KCNC3: variants seen among roughly 807,000 people sequenced by gnomAD.
KCNC3 encodes potassium voltage-gated channel subfamily C member 3, also known as voltage-gated potassium channel KCNC3.
Under a neutral mutation model 43.9 loss-of-function variants are expected in KCNC3, and 22 were observed. The observed-to-expected ratio is 0.50, with a 90% CI of 0.36 to 0.72. The LOEUF (loss-of-function observed/expected upper bound fraction) is 0.72. KCNC3 is among the 30% of genes least tolerant of loss of function. The probability of loss-of-function intolerance (pLI) is 0.00; values close to 1 mark genes in which losing one functional copy is unlikely to be tolerated. For synonymous variants in KCNC3, 492 were observed against 488.0 expected (o/e 1.01, Z -0.11); for missense variants, 829 against 1,073.8 (o/e 0.77, Z 3.19).
Position 50,323,377 on chromosome 19 carries a change from C to T in KCNC3, c.1576G>A (p.Ala526Thr). Residue 526 changes from alanine (A) to threonine (T), a missense_variant, in exon 2 of 5, where the codon GCG becomes ACG. This residue lies in a region of KCNC3 where 33 missense variants were observed against 96.0 expected (regional missense o/e 0.34). Transcript: ENST00000477616. ...GMLVGALCALAGVLTIAMPVP... is the reference protein window; with the variant it reads ...GMLVGALCALTGVLTIAMPVP... Reference sequence around the variant, plus strand: ...GGCATGGCGATGGTCAGCACCCCCGCCAGGGCACACAGCGCCCCGACCAGC... The same window carrying T: ...GGCATGGCGATGGTCAGCACCCCCGTCAGGGCACACAGCGCCCCGACCAGC... The T allele has an allele frequency of 6.2e-7, 1 of 1,614,166 alleles. No homozygotes were observed. The highest frequency in any genetic ancestry group is 8.5e-7 in the Non-Finnish European group (1 of 1,180,032).
Position 50,320,305 on chromosome 19 carries a change from C to G in KCNC3, c.2215G>C (p.Gly739Arg). 1 of 909,640 alleles carries G rather than the reference C, an allele frequency of 1.1e-6. No homozygotes were observed. Among genetic ancestry groups the G allele is most frequent in the Non-Finnish European group, 1.5e-6 (1 of 663,368 alleles). The allele number at this position is 909,640 out of a possible 1,614,324, so 56.3% of individuals were successfully genotyped here. The stretch of plus-strand genomic sequence containing the variant: ...AGGTCGGGCAAGAAGCTTGGGGGGC[C>G]TGGCTTACGCCAGTCTTGGGGGGGC... ...PLPPQDWRKP[G>R]PPSFLPDLNA... Residue 739 changes from glycine (G) to arginine (R), a missense_variant, in exon 4 of 5, where the codon GGC becomes CGC. Gly to Arg is a moderately radical substitution (Grantham distance 125). Around this residue, in one of 7 missense-constraint regions of KCNC3, gnomAD observed 308 missense variants for 276.2 expected, o/e 1.11. Coordinates refer to ENST00000477616, the MANE Select transcript of KCNC3 (RefSeq NM_004977.3).
In KCNC3 at chr19:50,324,181, C is replaced by T. The variant is rs2037074260; in HGVS notation, c.871-99G>A. ...CTTCCAGTGCCCCCTTCCCCAGCCT[C>T]CTGGGCCCAAACTCTGGGCAAAATC... On this transcript the variant is annotated intron_variant, in intron 1 of 4. Coordinates refer to ENST00000477616, the MANE Select transcript of KCNC3 (RefSeq NM_004977.3). The surrounding 1 kb of genome is among the most constrained non-coding windows in gnomAD (Gnocchi z 4.1). 34 of 1,270,032 alleles carry T rather than the reference C, an allele frequency of 2.7e-5. No homozygotes were observed. The South Asian group carries it at 4.8e-4, about 18-fold the overall frequency. 78.7% of individuals were successfully genotyped at this position (1,270,032 alleles called of 1,614,324 possible).
At position 50,323,234 on chromosome 19, in the gene KCNC3, G is replaced by C. The variant is rs572684513; in HGVS notation, c.1719C>G (p.Asn573Lys). The change falls in exon 2 of 5, where the codon AAC (asparagine) becomes AAG (lysine). Residue 573 changes from asparagine (N) to lysine (K), a missense_variant. Physicochemically the swap from Asn to Lys is moderately conservative, Grantham distance 94 (BLOSUM62 0). Around this residue, in one of 7 missense-constraint regions of KCNC3, gnomAD observed 308 missense variants for 276.2 expected, o/e 1.11. Coordinates refer to ENST00000477616, the MANE Select transcript of KCNC3 (RefSeq NM_004977.3). The stretch of plus-strand genomic sequence containing the variant: ...GCGGGGGTGGGTCAGGCTTGCAGTA[G>C]TTGGGCGAGCCCGGTTGCGGGGGCC... ...IPRPPQPGSP[N>K]YCKPDPPPPP... The C allele has an allele frequency of 1.3e-4, 201 of 1,580,498 alleles. 4 individuals are homozygous for C. The South Asian group carries it at 2.1e-3, about 17-fold the overall frequency.
At position 50,323,005 on chromosome 19, in the gene KCNC3, G is replaced by C. The variant is rs1422691089; in HGVS notation, c.1948C>G (p.Gln650Glu). The C allele has an allele frequency of 3.2e-6, 5 of 1,549,622 alleles. No individual in the cohort carries two copies. The South Asian group carries it at 6.0e-5, about 18-fold the overall frequency. ...PAPGEPCPLA[Q>E]EEVIEINRAD... ...CGGTTGATCTCAATCACCTCCTCCTGAGCCAACGGGCAAGGCTCGCCGGGG... is the reference window on the plus strand; with the variant it reads ...CGGTTGATCTCAATCACCTCCTCCTCAGCCAACGGGCAAGGCTCGCCGGGG... The change falls in exon 2 of 5, where the codon CAG (glutamine) becomes GAG (glutamate). Residue 650 changes from glutamine (Q) to glutamate (E), a missense_variant. Transcript: ENST00000477616.
upstream of KCNC3, among the ~76,000 whole-genome samples, chr19:50,330,408 C>T (rs993217489): frequency 2.0e-5 from 3 of 151,870 alleles, no homozygotes; most frequent in African/African-American, 7.3e-5. Context: ...GGTAGAGGAA[C>T]GGGAGAGGTG....
In KCNC3 at chr19:50,320,333, TG is replaced by T; in HGVS notation, c.2186del (p.Pro729HisfsTer43). ...GCTTACGCCAGTCTTGGGGGGGCAGTGGGGGAGCACCAGTGGCTGGGGGTGG... is the reference window on the plus strand; with the variant it reads ...GCTTACGCCAGTCTTGGGGGGGCAGTGGGGAGCACCAGTGGCTGGGGGTGG... ...GSIRKATGAP[P>X]LPPQDWRKPG... is the part of the protein sequence containing the mutation. On this transcript the variant is annotated frameshift_variant, in exon 4 of 5. Transcript: ENST00000477616. LOFTEE classifies it high-confidence loss of function. 4.0e-6 allele frequency: 1 copy of T among 252,474 alleles called. No individual in the cohort carries two copies. The highest frequency in any genetic ancestry group is 3.0e-5 in the South Asian group (1 of 33,718). 15.6% of individuals were successfully genotyped at this position (252,474 alleles called of 1,614,324 possible).
Position 50,324,077 on chromosome 19 carries a change from C to T in KCNC3, c.876G>A (p.Val292=), listed in dbSNP as rs748124654. The T allele has an allele frequency of 8.8e-6, 14 of 1,593,132 alleles. No homozygotes were observed. Among genetic ancestry groups the T allele is most frequent in the Non-Finnish European group, 1.0e-5 (12 of 1,168,854 alleles). ...DPYSSRAARY[V]AFASLFFILI... Reference sequence around the variant, plus strand: ...GGATGAAGAAGAGGGAGGCGAAGGCCACATACTGCAGGGCAGGGAGGGAGA... The same window carrying T: ...GGATGAAGAAGAGGGAGGCGAAGGCTACATACTGCAGGGCAGGGAGGGAGA... The change falls in exon 2 of 5, where the codon GTG becomes GTA. Residue 292 remains valine, a synonymous_variant. Coordinates refer to ENST00000477616, the MANE Select transcript of KCNC3 (RefSeq NM_004977.3). This position sits in a 1 kb window ranked among gnomAD's most constrained non-coding sequence, Gnocchi z 4.1.
At chr19:50,330,458 T>C (rs760520638), upstream of KCNC3, among the ~76,000 whole-genome samples, 14 of 151,418 alleles carry the variant, frequency 9.2e-5, no homozygotes, top group African/African-American at 2.7e-4. Flanking sequence ...AGTACAAAGC[T>C]ACTGGGCTGG....
At position 50,315,973 on chromosome 19, in the gene KCNC3, G is replaced by A. The variant is rs2036946521; in HGVS notation, c.*142C>T. 2.6e-6 allele frequency: 1 copy of A among 384,144 alleles called. No individual in the cohort carries two copies. 23.8% of individuals were successfully genotyped at this position (384,144 alleles called of 1,614,324 possible). ...TTGATCGTAGGAGGGAGGGCTTGGGGGGAGATTTGAAGCCCAGTGTCTTGG... is the reference window on the plus strand; with the variant it reads ...TTGATCGTAGGAGGGAGGGCTTGGGAGGAGATTTGAAGCCCAGTGTCTTGG... On this transcript the variant is annotated 3_prime_UTR_variant, in exon 5 of 5. Coordinates refer to ENST00000477616, the MANE Select transcript of KCNC3 (RefSeq NM_004977.3).
chr19:50,322,443 A>G (rs1324587892), intron 2 of KCNC3, among the ~76,000 whole-genome samples: 1 of 151,962 alleles, frequency 6.6e-6, no homozygotes, highest in Non-Finnish European at 1.5e-5. Context: ...GCTTGCTGTC[A>G]TTAGAACCCA....
rs2037074095 is a variant in KCNC3 at position 50,324,165 on chromosome 19, C to A, written c.871-83G>T. ...TAACATCCAGAAGACCCTTCCAGTGCCCCCTTCCCCAGCCTCCTGGGCCCA... is the reference window on the plus strand; with the variant it reads ...TAACATCCAGAAGACCCTTCCAGTGACCCCTTCCCCAGCCTCCTGGGCCCA... On this transcript the variant is annotated intron_variant, in intron 1 of 4. Coordinates refer to ENST00000477616, the MANE Select transcript of KCNC3 (RefSeq NM_004977.3). This position sits in a 1 kb window ranked among gnomAD's most constrained non-coding sequence, Gnocchi z 4.1. 1.4e-6 allele frequency: 2 copies of A among 1,386,336 alleles called. No individual in the cohort carries two copies. Among genetic ancestry groups the A allele is most frequent in the African/African-American group, 2.9e-5 (2 of 68,974 alleles). 85.9% of individuals were successfully genotyped at this position (1,386,336 alleles called of 1,614,324 possible). A position where few individuals can be genotyped will look rare whatever the true frequency, so the allele number is the denominator to read the frequency against.
intron 3 of KCNC3, 39 bp downstream of exon 3, chr19:50,320,554 A>AGT: frequency 6.4e-7 from 1 of 1,571,674 alleles, no homozygotes; most frequent in Non-Finnish European, 8.7e-7. Context: ...GGGGAGAGAG[A>AGT]GGGAGGGTCC....
chr19:50,315,095 G>A lies in KCNC3; in HGVS notation c.*1020C>T, dbSNP rs1374119278. 11 of 191,684 alleles carry A rather than the reference G, an allele frequency of 5.7e-5. 1 individual carries two copies. In the South Asian group the frequency reaches 6.2e-4, roughly 11 times the overall value. 11.9% of individuals were successfully genotyped at this position (191,684 alleles called of 1,614,324 possible). ...AGGCAGGGAGAAAGAGACAGAGAGAGAAAGAAATGGAAGGGGAGGACAACA... is the reference window on the plus strand; with the variant it reads ...AGGCAGGGAGAAAGAGACAGAGAGAAAAAGAAATGGAAGGGGAGGACAACA... On this transcript the variant is annotated 3_prime_UTR_variant, in exon 5 of 5. Coordinates refer to ENST00000477616, the MANE Select transcript of KCNC3 (RefSeq NM_004977.3).
Position 50,316,035 on chromosome 19 carries a change from G to C in KCNC3, c.*80C>G, listed in dbSNP as rs2036947569. The C allele has an allele frequency of 2.6e-6, 1 of 390,522 alleles. No homozygotes were observed. The highest frequency in any genetic ancestry group is 4.8e-6 in the Non-Finnish European group (1 of 210,522). The allele number at this position is 390,522 out of a possible 1,614,324, so 24.2% of individuals were successfully genotyped here. Reference sequence around the variant, plus strand: ...CCCAGCCATTCCCAATTGCTAACCTGGGGGGAAGGGGCGGGGGGGACCGAA... The same window carrying C: ...CCCAGCCATTCCCAATTGCTAACCTCGGGGGAAGGGGCGGGGGGGACCGAA... On this transcript the variant is annotated 3_prime_UTR_variant, in exon 5 of 5. Coordinates refer to ENST00000477616, the MANE Select transcript of KCNC3 (RefSeq NM_004977.3).
chr19:50,328,694 G>T lies in KCNC3; in HGVS notation c.389C>A (p.Pro130Gln), dbSNP rs772356213. ...GTCAAAGAAGAACTCGTCGGCGCCCGGGTCGTAGTCGAAGCGTGCCGCCGC... is the reference window on the plus strand; with the variant it reads ...GTCAAAGAAGAACTCGTCGGCGCCCTGGTCGTAGTCGAAGCGTGCCGCCGC... ...PEAAARFDYD[P>Q]GADEFFFDRH... The change falls in exon 1 of 5, where the codon CCG (proline) becomes CAG (glutamine). Residue 130 changes from proline to glutamine, a missense_variant. Pro to Gln is a moderately conservative substitution (Grantham distance 76). This residue lies in a region of KCNC3 where 121 missense variants were observed against 247.4 expected (regional missense o/e 0.49). Transcript: ENST00000477616. 6.2e-7 allele frequency: 1 copy of T among 1,604,578 alleles called. No homozygotes were observed. The highest frequency in any genetic ancestry group is 8.5e-7 in the Non-Finnish European group (1 of 1,176,424).
rs140640214 is a variant in KCNC3 at position 50,323,615 on chromosome 19, G to A, written c.1338C>T (p.Asn446=). 2.2e-5 allele frequency: 36 copies of A among 1,614,098 alleles called. No individual in the cohort carries two copies. The highest frequency in any genetic ancestry group is 4.0e-5 in the African/African-American group (3 of 74,960). ...VLGHTLRAST[N]EFLLLIIFLA... is the part of the protein sequence containing the mutation. The stretch of plus-strand genomic sequence containing the variant: ...GGAAGATGATGAGCAGCAGGAACTC[G>A]TTGGTGCTGGCGCGGAGCGTGTGTC... The change falls in exon 2 of 5, where the codon AAC becomes AAT. Residue 446 remains asparagine, a synonymous_variant. Transcript: ENST00000477616.
At chr19:50,321,724 G>A (rs867651555) in intron 2 of KCNC3, among the ~76,000 whole-genome samples, 15 of 151,928 alleles carry the variant, frequency 9.9e-5, no homozygotes, top group South Asian at 6.2e-4. Flanking sequence ...GAGCCAAGAT[G>A]TTTCCACTGC....
At position 50,328,915 on chromosome 19, in the gene KCNC3, C is replaced by CG; in HGVS notation, c.167dup (p.Ala57GlyfsTer44). ...GCCGGTCCCCGGGCCCGCGGGGTGCCGGGGGGCCCGCCGGGGACGCGGCGG... is the reference window on the plus strand; with the variant it reads ...GCCGGTCCCCGGGCCCGCGGGGTGCCGGGGGGGCCCGCCGGGGACGCGGCGG... On this transcript the variant is annotated frameshift_variant, in exon 1 of 5. Transcript: ENST00000477616. LOFTEE classifies it high-confidence loss of function. The CG allele has an allele frequency of 6.0e-6, 5 of 835,938 alleles. No individual in the cohort carries two copies. Among genetic ancestry groups the CG allele is most frequent in the Non-Finnish European group, 7.2e-6 (5 of 698,832 alleles). The allele number at this position is 835,938 out of a possible 1,614,324, so 51.8% of individuals were successfully genotyped here.
rs1483676584 is a variant in KCNC3 at position 50,324,898 on chromosome 19, G to A, written c.871-816C>T. Among the ~76,000 whole-genome samples the A allele has an allele frequency of 6.6e-6, 1 of 152,026 alleles. No individual in the cohort carries two copies. The highest frequency in any genetic ancestry group is 2.4e-5 in the African/African-American group (1 of 41,370). ...CCCTTAAGGGAGGAGGGGTTGAAGG[G>A]TTAAGCCTGCAAAAATGGAAGAGGA... On this transcript the variant is annotated intron_variant, in intron 1 of 4. Coordinates refer to ENST00000477616, the MANE Select transcript of KCNC3 (RefSeq NM_004977.3). This position sits in a 1 kb window ranked among gnomAD's most constrained non-coding sequence, Gnocchi z 4.1.
Sources: allele counts gnomAD v4.1 joint callset (sites outside exome capture counted in the v4.1 genomes callset), GRCh38; gene constraint gnomAD v4.1.1; regional missense constraint gnomAD v4.1.1; non-coding constraint Gnocchi (gnomAD v3.1); transcripts MANE v1.5; gene names NCBI Gene and HGNC (gene_info 2026-07-23, HGNC 2026-07-21).